The following OTOF variants were observed in gnomAD, a reference collection of about 807,000 sequenced individuals.
The protein encoded by OTOF is fer-1-like family member 2.
A neutral mutation model predicts 236.8 loss-of-function variants in OTOF; 218 were observed. The observed-to-expected ratio is 0.92, with a 90% CI of 0.82 to 1.03. The LOEUF is 1.03. Among genes scored for constraint, OTOF ranks in the 50% least tolerant of loss-of-function variants. OTOF has a pLI of 0.00. For synonymous variants in OTOF, 1,041 were observed against 1,072.5 expected, an observed-to-expected ratio of 0.97 and a Z score of 0.57; for missense variants, 2,590 against 2,694.4, an observed-to-expected ratio of 0.96 and a Z score of 0.86.
chr2:26,513,035 G>A lies in OTOF; in HGVS notation c.509+3383C>T, dbSNP rs1278638744. Among the ~76,000 whole-genome samples the A allele has an allele frequency of 3.3e-5, 5 of 152,180 alleles. No homozygotes were observed. The South Asian group carries it at 6.2e-4, about 19-fold the overall frequency. On this transcript the variant is annotated intron_variant, in intron 5 of 46. Transcript: ENST00000272371. ...AAAAGCCGGCAGAAATCAGGGCTTC[G>A]TGGCAGGAACTAGAGAAGTGGGCAG...
At position 26,519,210 on chromosome 2, in the gene OTOF, T is replaced by G. The variant is rs748767359; in HGVS notation, c.228-101A>C. On this transcript the variant is annotated intron_variant, in intron 3 of 46. Coordinates refer to ENST00000272371, the MANE Select transcript of OTOF (RefSeq NM_194248.3). ...TGTGACTGCTTGGGGAGGACTCAGG[T>G]GGGCTTGCTCCAGCTCTGGGCTGGG... 97 of 825,614 alleles carry G rather than the reference T, an allele frequency of 1.2e-4. 2 individuals carry two copies. Among genetic ancestry groups the G allele is most frequent in the South Asian group, 3.5e-4 (24 of 68,792 alleles). 51.1% of individuals were successfully genotyped at this position (825,614 alleles called of 1,614,324 possible).
chr2:26,533,340 C>T (rs11690824), intron 2 of OTOF, among the ~76,000 whole-genome samples: 55,512 of 152,002 alleles, frequency 0.37, 12,592 homozygotes, highest in Admixed American at 0.53. Context: ...TGGAAAGAGA[C>T]GGATTTGCAA....
Position 26,477,420 on chromosome 2 carries a change from T to A in OTOF, c.2402A>T (p.Glu801Val), listed in dbSNP as rs61739883. The A allele has an allele frequency of 6.6e-3, 10,426 of 1,586,074 alleles. 536 individuals carry two copies. The African/African-American group carries it at 0.12, about 18-fold the overall frequency. Reference protein sequence around the residue: ...DRERLKSCMRELENMGQQARM... With the variant: ...DRERLKSCMRVLENMGQQARM... The stretch of plus-strand genomic sequence containing the variant: ...GCCGTCCAGTTGCGTCCTCACCAGC[T>A]CCCTCATGCAGGACTTGAGGCGCTC... Residue 801 changes from glutamate (E) to valine (V), a missense_variant, in exon 20 of 47, where the codon GAG becomes GTG. Glu to Val is a moderately radical substitution (Grantham distance 121). This residue lies in a region of OTOF where 1,379 missense variants were observed against 1,341.6 expected (regional missense o/e 1.03). Transcript: ENST00000272371. This position sits in a 1 kb window ranked among gnomAD's most constrained non-coding sequence, Gnocchi z 4.7.
intron 1 of OTOF, among the ~76,000 whole-genome samples, chr2:26,545,147 T>A (rs1667301089): frequency 6.6e-6 from 1 of 152,208 alleles, no homozygotes; most frequent in African/African-American, 2.4e-5. Context: ...TTTCAGTTGT[T>A]CCATCCTCAT....
At chr2:26,480,158 C>T (rs1665492195) in intron 16 of OTOF, 45 bp downstream of exon 16, 1 of 1,150,776 alleles carries the variant, frequency 8.7e-7, no homozygotes, top group Non-Finnish European at 1.3e-6. Context: ...CCCCGTGGGC[C>T]CAGCACTCAC....
chr2:26,491,811 C>T (rs1039044836), intron 9 of OTOF, among the ~76,000 whole-genome samples: 1 of 152,228 alleles, frequency 6.6e-6, no homozygotes, highest in African/African-American at 2.4e-5. Flanking sequence ...AGGCCAGGTG[C>T]CCGCAGATGT....
At chr2:26,541,985 TAAC>T (rs1348257327) in intron 1 of OTOF, among the ~76,000 whole-genome samples, 1 of 152,116 alleles carries the variant, frequency 6.6e-6, no homozygotes, top group African/African-American at 2.4e-5. Flanking sequence ...GGAGTATGAA[TAAC>T]AGAGTCTGTG....
chr2:26,471,236 G>A, intron 30 of OTOF, 86 bp from the exon 31 acceptor site: 1 of 1,485,764 alleles, frequency 6.7e-7, no homozygotes, highest in Non-Finnish European at 9.4e-7. Flanking sequence ...GTGTGTGGAG[G>A]AGCCGAGATG....
intron 2 of OTOF, among the ~76,000 whole-genome samples, chr2:26,532,264 C>T (rs536696799): frequency 1.3e-3 from 191 of 152,142 alleles, no homozygotes; most frequent in African/African-American, 4.4e-3. Flanking sequence ...GAGAGTTGCC[C>T]GCGGGCACAA....
At chr2:26,546,888 T>C (rs1667346536) in intron 1 of OTOF, among the ~76,000 whole-genome samples, 1 of 152,182 alleles carries the variant, frequency 6.6e-6, no homozygotes, top group South Asian at 2.1e-4. Context: ...TCATTAATTG[T>C]AGTAGCTTTT....
At chr2:26,474,932 G>C (rs1193828305) in intron 25 of OTOF, among the ~76,000 whole-genome samples, 1 of 152,060 alleles carries the variant, frequency 6.6e-6, no homozygotes, top group Non-Finnish European at 1.5e-5. Flanking sequence ...CACCTCAGCA[G>C]CTGAGGTGGT....
chr2:26,510,507 C>T (rs1347892217), intron 5 of OTOF, among the ~76,000 whole-genome samples: 1 of 152,066 alleles, frequency 6.6e-6, no homozygotes, highest in East Asian at 1.9e-4. Flanking sequence ...CCCCGCGACC[C>T]TAACCCCTCC....
chr2:26,465,678 T>C lies in OTOF; in HGVS notation c.4793A>G (p.Tyr1598Cys), dbSNP rs1664690146. The change falls in exon 38 of 47, where the codon TAC (tyrosine) becomes TGC (cysteine). Residue 1598 changes from tyrosine to cysteine, a missense_variant. Tyr to Cys is a radical substitution (Grantham distance 194, BLOSUM62 -2). This residue lies in a region of OTOF where 1,211 missense variants were observed against 1,352.8 expected (regional missense o/e 0.90). Transcript: ENST00000272371. Reference sequence around the variant, plus strand: ...TGCCCCATGCCCCACATACGTGGAGTAGGTCTGGGCGATGCCGCAGGTGGC... The same window carrying C: ...TGCCCCATGCCCCACATACGTGGAGCAGGTCTGGGCGATGCCGCAGGTGGC... ...HRATCGIAQTYSTHGYNIWRD... is the reference protein window; with the variant it reads ...HRATCGIAQTCSTHGYNIWRD... 6.2e-7 allele frequency: 1 copy of C among 1,613,842 alleles called. No individual in the cohort carries two copies. The highest frequency in any genetic ancestry group is 1.3e-5 in the African/African-American group (1 of 74,846).
chr2:26,477,725 C>A lies in OTOF; in HGVS notation c.2239G>T (p.Glu747Ter), dbSNP rs397515591. 1.9e-6 allele frequency: 3 copies of A among 1,612,750 alleles called. No individual in the cohort carries two copies. Among genetic ancestry groups the A allele is most frequent in the Middle Eastern group, 3.3e-4 (2 of 6,062 alleles). The change falls in exon 19 of 47, where the codon GAG (glutamate) becomes TAG (stop). Residue 747 changes from glutamate to a stop codon, truncating the protein, a stop_gained. Coordinates refer to ENST00000272371, the MANE Select transcript of OTOF (RefSeq NM_194248.3). LOFTEE classifies it high-confidence loss of function. The surrounding 1 kb of genome is among the most constrained non-coding windows in gnomAD (Gnocchi z 4.7). ...KLEEGLNDIQEMIKTEKSYPE... is the reference protein window; with the variant it reads ...KLEEGLNDIQ ...TAGGACTTCTCCGTTTTGATCATCT[C>A]CTGTATGTCGTTCAGGCCTTCTTCC...
At position 26,521,109 on chromosome 2, in the gene OTOF, G is replaced by C. The variant is rs1666666414; in HGVS notation, c.228-2000C>G. Among the ~76,000 whole-genome samples the C allele has an allele frequency of 2.0e-5, 3 of 152,200 alleles. No individual in the cohort carries two copies. In the South Asian group the frequency reaches 6.2e-4, roughly 32 times the overall value. On this transcript the variant is annotated intron_variant, in intron 3 of 46. Coordinates refer to ENST00000272371, the MANE Select transcript of OTOF (RefSeq NM_194248.3). ...CCACTGGCCCCGACCCCAGGGCTCT[G>C]ATTCAGTGGGTGGGAGAGGGCCTGA...
intron 1 of OTOF, among the ~76,000 whole-genome samples, chr2:26,557,538 C>T (rs931263340): frequency 5.9e-5 from 9 of 152,172 alleles, no homozygotes; most frequent in South Asian, 2.1e-4. Flanking sequence ...CTCTGGCCTC[C>T]GCTCCTGCAC....
intron 46 of OTOF, among the ~76,000 whole-genome samples, chr2:26,458,780 G>A (rs978259051): frequency 2.6e-5 from 4 of 152,226 alleles, no homozygotes; most frequent in African/African-American, 9.6e-5. Flanking sequence ...AATAGGTTTT[G>A]TAAAATGTCA....
intron 1 of OTOF, among the ~76,000 whole-genome samples, chr2:26,543,590 G>A (rs528789200): frequency 6.6e-6 from 1 of 152,210 alleles, no homozygotes; most frequent in Non-Finnish European, 1.5e-5. Context: ...CTTTGCCCTT[G>A]TTTCCTCACC....
chr2:26,487,536 T>C (rs1241749146), intron 11 of OTOF, among the ~76,000 whole-genome samples: 1 of 152,192 alleles, frequency 6.6e-6, no homozygotes, highest in Non-Finnish European at 1.5e-5. Context: ...TATGGGGTCG[T>C]GAGGGTGAGG....
Sources: allele counts gnomAD v4.1 joint callset (sites outside exome capture counted in the v4.1 genomes callset), GRCh38; gene constraint gnomAD v4.1.1; regional missense constraint gnomAD v4.1.1; non-coding constraint Gnocchi (gnomAD v3.1); transcripts MANE v1.5; gene names NCBI Gene and HGNC (gene_info 2026-07-23, HGNC 2026-07-21).